OR3A3: variants seen among roughly 807,000 people sequenced by gnomAD.
OR3A3 encodes olfactory receptor 3A3.
For synonymous variants in OR3A3, 103 were observed against 163.9 expected, an observed-to-expected ratio of 0.63 and a Z score of 2.84; for missense variants, 275 against 391.4, an observed-to-expected ratio of 0.70 and a Z score of 2.51.
At chr17:3,414,452 C>T (rs940735522) in intron 2 of OR3A3, among the ~76,000 whole-genome samples, 8 of 152,038 alleles carry the variant, frequency 5.3e-5, no homozygotes, top group African/African-American at 1.7e-4. Flanking sequence ...AGAGCATCAG[C>T]GAGGAATGAA....
At chr17:3,422,517 C>T (rs1335828991) in exon 3 of OR3A3, 1 of 152,218 alleles carries the variant, frequency 6.6e-6, no homozygotes, top group Non-Finnish European at 1.5e-5. Context: ...CCTGAAAATA[C>T]ACACCCATAA....
intron 2 of OR3A3, among the ~76,000 whole-genome samples, chr17:3,415,349 T>A (rs1281045159): frequency 6.6e-6 from 1 of 151,490 alleles, no homozygotes; most frequent in Non-Finnish European, 1.5e-5. Context: ...TCACATGAGG[T>A]CAGGAGTTCG....
At chr17:3,421,745 T>C in exon 3 of OR3A3, 2 of 532,394 alleles carry the variant, frequency 3.8e-6, no homozygotes, top group African/African-American at 3.8e-5. Flanking sequence ...AACAATCTTC[T>C]AGGGCATTGG....
At chr17:3,421,575 T>C (rs1319455259) in exon 3 of OR3A3, 2 of 1,514,076 alleles carry the variant, frequency 1.3e-6, no homozygotes, top group African/African-American at 2.8e-5. Flanking sequence ...CGAGGAAAAT[T>C]TCCCGAGAAG....
rs560444779 is a variant in OR3A3, at chr17:3,418,338, T to G, written c.-6-2242T>G. Among the ~76,000 whole-genome samples the G allele has an allele frequency of 2.0e-5, 3 of 152,290 alleles. No individual in the cohort carries two copies. The East Asian group carries it at 5.8e-4, about 29-fold the overall frequency. ...ATGAGAGGTTTTTGCTGGGGACAGG[T>G]GCATGTCTTGATTCACGGTTGTTTT... On this transcript the variant is annotated intron_variant, in intron 2 of 2. Transcript: ENST00000641141.
intron 2 of OR3A3, among the ~76,000 whole-genome samples, chr17:3,412,385 T>C (rs1373874230): frequency 4.1e-5 from 6 of 146,016 alleles, no homozygotes; most frequent in Admixed American, 1.4e-4. Flanking sequence ...TTAGCATGAG[T>C]GTGAGGAGAC....
At chr17:3,420,481 G>A (rs2072423773) in intron 2 of OR3A3, 99 bp from the exon 3 acceptor site, 11 of 1,543,922 alleles carry the variant, frequency 7.1e-6, no homozygotes, top group South Asian at 1.3e-5. Flanking sequence ...GTGAGGGATG[G>A]CCTGGGGACT....
chr17:3,420,519 T>G, intron 2 of OR3A3, 61 bp from the exon 3 acceptor site: 2 of 1,574,936 alleles, frequency 1.3e-6, no homozygotes, highest in East Asian at 2.2e-5. Context: ...CATAAATGGT[T>G]TAAAATGTTA....
chr17:3,421,142 A>G, exon 3 of OR3A3: 1 of 1,614,174 alleles, frequency 6.2e-7, no homozygotes, highest in Non-Finnish European at 8.5e-7. Context: ...GACCTCCCAC[A>G]GCTCTTCCAG....
intron 2 of OR3A3, among the ~76,000 whole-genome samples, chr17:3,414,262 G>A (rs2634014): frequency 8.5e-4 from 130 of 152,192 alleles, no homozygotes; most frequent in African/African-American, 1.6e-3. Flanking sequence ...CAGTAGAGAC[G>A]GGGTTTCACC....
At chr17:3,413,160 T>C (rs2072371150) in intron 2 of OR3A3, among the ~76,000 whole-genome samples, 1 of 152,112 alleles carries the variant, frequency 6.6e-6, no homozygotes. Context: ...GCATAGTAAG[T>C]TGCATGAAAT....
chr17:3,419,973 T>C (rs1489639368), intron 2 of OR3A3, among the ~76,000 whole-genome samples: 1 of 152,144 alleles, frequency 6.6e-6, no homozygotes, highest in Non-Finnish European at 1.5e-5. Context: ...TTCGCTGTGT[T>C]AGCCAGGATG....
At chr17:3,421,026 G>T in exon 3 of OR3A3, 1 of 1,614,072 alleles carries the variant, frequency 6.2e-7, no homozygotes, top group East Asian at 2.2e-5. Context: ...AGAGGATGTT[G>T]GTGGCTGCGT....
intron 2 of OR3A3, among the ~76,000 whole-genome samples, chr17:3,416,768 T>C (rs1036272195): frequency 6.6e-6 from 1 of 152,142 alleles, no homozygotes; most frequent in South Asian, 2.1e-4. Context: ...TATAAAACAA[T>C]GTGTAAGGAT....
At chr17:3,415,148 G>T (rs1567583096) in intron 2 of OR3A3, among the ~76,000 whole-genome samples, 1 of 151,826 alleles carries the variant, frequency 6.6e-6, no homozygotes, top group Non-Finnish European at 1.5e-5. Flanking sequence ...CTGTTAATGT[G>T]AATTTTTTAC....
rs199535036 is a variant in OR3A3 at position 3,420,113 on chromosome 17, C to CT, written c.-6-459dup. 2.9e-3 allele frequency among the ~76,000 whole-genome samples: 442 copies of CT among 151,870 alleles called. 3 individuals are homozygous for CT. Among genetic ancestry groups the CT allele is most frequent in the African/African-American group, 1.0e-2 (414 of 41,444 alleles). ...TATATTCAAAAAGGAAGTCTTTTGC[C>CT]TTTTTTTTAACAAATTTTATTGCGT... On this transcript the variant is annotated intron_variant, in intron 2 of 2. Transcript: ENST00000641141.
At chr17:3,417,968 G>A (rs1012279534) in intron 2 of OR3A3, among the ~76,000 whole-genome samples, 5 of 152,082 alleles carry the variant, frequency 3.3e-5, no homozygotes. Flanking sequence ...CTAATTGTTT[G>A]TTCCTCCATG....
intron 2 of OR3A3, among the ~76,000 whole-genome samples, chr17:3,419,255 T>C (rs904872177): frequency 6.6e-6 from 1 of 152,236 alleles, no homozygotes; most frequent in Non-Finnish European, 1.5e-5. Flanking sequence ...ATCATGAGTA[T>C]CTTCTCTCTG....
chr17:3,420,402 G>A (rs901910), intron 2 of OR3A3, among the ~76,000 whole-genome samples, 178 bp from the exon 3 acceptor site: 3 of 152,260 alleles, frequency 2.0e-5, no homozygotes, highest in South Asian at 2.1e-4. Context: ...GAGGATGAGA[G>A]GGACAAGGTG....
Sources: allele counts gnomAD v4.1 joint callset (sites outside exome capture counted in the v4.1 genomes callset), GRCh38; gene constraint gnomAD v4.1.1; transcripts MANE v1.5; gene names NCBI Gene and HGNC (gene_info 2026-07-23, HGNC 2026-07-21).